Variants in STARD3 observed in about 807,000 individuals in gnomAD.
The protein encoded by STARD3 is stAR-related lipid transfer protein 3.
STARD3 carries 39 observed loss-of-function variants against 62.0 expected under a neutral mutation model. That is an observed-to-expected ratio of 0.63 (90% CI 0.49 to 0.82). The LOEUF (loss-of-function observed/expected upper bound fraction) is 0.82, where lower values mean the gene tolerates loss of function less well. Ranked by LOEUF, STARD3 falls within the 40% of genes least tolerant of loss-of-function variation. The probability of loss-of-function intolerance (pLI) is 0.00; values close to 1 mark genes in which losing one functional copy is unlikely to be tolerated. For synonymous variants in STARD3, 229 were observed against 242.4 expected (o/e 0.94, Z 0.51); for missense variants, 543 against 584.5 (o/e 0.93, Z 0.73).
At chr17:39,657,116 C>T (rs371400237) in intron 3 of STARD3, 31 bp downstream of exon 3, 36 of 1,607,360 alleles carry the variant, frequency 2.2e-5, no homozygotes, top group Non-Finnish European at 2.9e-5. Flanking sequence ...CTGGGGACCC[C>T]GGAGGCAGAG....
chr17:39,654,150 A>G (rs2057104648), intron 2 of STARD3, among the ~76,000 whole-genome samples: 1 of 146,326 alleles, frequency 6.8e-6, no homozygotes, highest in Non-Finnish European at 1.5e-5. Flanking sequence ...CAGTTGGTTC[A>G]TTCATTCGTT....
intron 1 of STARD3, among the ~76,000 whole-genome samples, chr17:39,643,773 T>G (rs888762815): frequency 1.3e-5 from 2 of 152,224 alleles, no homozygotes; most frequent in African/African-American, 2.4e-5. Context: ...GACTCTCTCT[T>G]TCTCTGGAGA....
chr17:39,657,760 C>T lies in STARD3; in HGVS notation c.298-15C>T, dbSNP rs920849504. 2 of 1,613,942 alleles carry T rather than the reference C, an allele frequency of 1.2e-6. No individual in the cohort carries two copies. Among genetic ancestry groups the T allele is most frequent in the Admixed American group, 1.7e-5 (1 of 59,998 alleles). The stretch of plus-strand genomic sequence containing the variant: ...AGTAGCTTCCTGTGACTGCCTTGCT[C>T]CCGTCCCCCACCAGGTCCTGGCCTT... On this transcript the variant is annotated splice_polypyrimidine_tract_variant and intron_variant, in intron 3 of 14. Coordinates refer to ENST00000336308, the MANE Select transcript of STARD3 (RefSeq NM_006804.4).
intron 1 of STARD3, among the ~76,000 whole-genome samples, chr17:39,646,851 C>T (rs2144929220): frequency 6.6e-6 from 1 of 152,252 alleles, no homozygotes; most frequent in African/African-American, 2.4e-5. Context: ...TCCGCTGTTC[C>T]CTGGCACCTG....
At chr17:39,639,132 T>C (rs1189851278) in intron 1 of STARD3, among the ~76,000 whole-genome samples, 1 of 152,222 alleles carries the variant, frequency 6.6e-6, no homozygotes, top group African/African-American at 2.4e-5. Context: ...TAAAAAGTTA[T>C]TACTATTATG....
At chr17:39,658,972 C>T (rs2057163541) in intron 7 of STARD3, 79 bp from the exon 8 acceptor site, 1 of 1,590,660 alleles carries the variant, frequency 6.3e-7, no homozygotes, top group Admixed American at 1.7e-5. Flanking sequence ...CATCCTTGCA[C>T]TCACATACCC....
In STARD3 at chr17:39,659,204, G is replaced by C. The variant is rs533301567; in HGVS notation, c.702+98G>C. ...CGGGGTGGGCAGGGGTTTCCCAGTA[G>C]AGGCTGAACCTCGGGCAATGCCCAT... On this transcript the variant is annotated intron_variant, in intron 8 of 14. Coordinates refer to ENST00000336308, the MANE Select transcript of STARD3 (RefSeq NM_006804.4). The C allele has an allele frequency of 1.7e-4, 256 of 1,489,462 alleles. 1 individual carries two copies. The African/African-American group carries it at 2.5e-3, about 15-fold the overall frequency. The allele number at this position is 1,489,462 out of a possible 1,614,324, so 92.3% of individuals were successfully genotyped here. A position where few individuals can be genotyped will look rare whatever the true frequency, so the allele number is the denominator to read the frequency against.
intron 1 of STARD3, among the ~76,000 whole-genome samples, chr17:39,646,022 G>A (rs1019986570): frequency 5.4e-5 from 8 of 147,380 alleles, no homozygotes; most frequent in African/African-American, 1.8e-4. Context: ...CTCCCAAGTA[G>A]TTGGGACTAC....
At chr17:39,659,201 G>A in intron 8 of STARD3, 95 bp downstream of exon 8, 1 of 1,513,094 alleles carries the variant, frequency 6.6e-7, no homozygotes, top group Non-Finnish European at 9.1e-7. Context: ...GGGTTTCCCA[G>A]TAGAGGCTGA....
At chr17:39,650,214 A>G (rs1296561644) in intron 1 of STARD3, among the ~76,000 whole-genome samples, 1 of 152,160 alleles carries the variant, frequency 6.6e-6, no homozygotes, top group Non-Finnish European at 1.5e-5. Context: ...TGGGCCCATT[A>G]TGACTGGTGT....
At chr17:39,662,221 A>C in intron 13 of STARD3, 30 bp from the exon 14 acceptor site, 4 of 1,604,432 alleles carry the variant, frequency 2.5e-6, no homozygotes, top group Non-Finnish European at 3.4e-6. Context: ...CTCTGTTCCA[A>C]AGTCCCCCCA....
chr17:39,663,632 T>TCCCCCCCCCCCCCCCCCCCCCCCCCC lies in STARD3; in HGVS notation c.*732_*733insCCCCCCCCCCCCCCCCCCCCCCCCCC, dbSNP rs144813441. On this transcript the variant is annotated 3_prime_UTR_variant, in exon 15 of 15. Coordinates refer to ENST00000336308, the MANE Select transcript of STARD3 (RefSeq NM_006804.4). Reference sequence around the variant, plus strand: ...CCAGTTCCTGAAACATGCCCCCCATTCCCCCCCCGCCCACCCCCCACTCCC... The same window carrying TCCCCCCCCCCCCCCCCCCCCCCCCCC: ...CCAGTTCCTGAAACATGCCCCCCATTCCCCCCCCCCCCCCCCCCCCCCCCCCCCCCCCCCGCCCACCCCCCACTCCC... 4 of 128,102 alleles carry TCCCCCCCCCCCCCCCCCCCCCCCCCC rather than the reference T, an allele frequency of 3.1e-5. No homozygotes were observed. Among genetic ancestry groups the TCCCCCCCCCCCCCCCCCCCCCCCCCC allele is most frequent in the Non-Finnish European group, 6.7e-5 (4 of 59,950 alleles). The allele number at this position is 128,102 out of a possible 1,614,324, so 7.9% of individuals were successfully genotyped here.
At position 39,660,208 on chromosome 17, in the gene STARD3, T is replaced by C. The variant is rs2952149; in HGVS notation, c.796-3T>C. The C allele has an allele frequency of 0.054, 87,518 of 1,613,716 alleles. 2,863 individuals carry two copies. Among genetic ancestry groups the C allele is most frequent in the African/African-American group, 0.069 (5,180 of 74,976 alleles). Reference sequence around the variant, plus strand: ...TCCCTGCCACCTTCTGTCCCTGCCATAGGAATATGGGGACACCGTGTACAC... The same window carrying C: ...TCCCTGCCACCTTCTGTCCCTGCCACAGGAATATGGGGACACCGTGTACAC... On this transcript the variant is annotated splice_region_variant and splice_polypyrimidine_tract_variant and intron_variant, in intron 9 of 14. Coordinates refer to ENST00000336308, the MANE Select transcript of STARD3 (RefSeq NM_006804.4). This position sits in a 1 kb window ranked among gnomAD's most constrained non-coding sequence, Gnocchi z 4.8.
chr17:39,663,264 C>T lies in STARD3; in HGVS notation c.*356C>T, dbSNP rs968656082. On this transcript the variant is annotated 3_prime_UTR_variant, in exon 15 of 15. Transcript: ENST00000336308. ...GGGCAGGGCAGGGCAGCCTGTCACC[C>T]GTGTGAAGATGAAGGGGCTCTTCAT... is the stretch of plus-strand genomic sequence containing the variant. The T allele has an allele frequency of 1.8e-5, 7 of 397,814 alleles. No individual in the cohort carries two copies. Among genetic ancestry groups the T allele is most frequent in the Non-Finnish European group, 3.1e-5 (7 of 226,208 alleles). The allele number at this position is 397,814 out of a possible 1,614,324, so 24.6% of individuals were successfully genotyped here.
In STARD3 at chr17:39,663,666, T is replaced by C. The variant is rs1378250728; in HGVS notation, c.*758T>C. On this transcript the variant is annotated 3_prime_UTR_variant, in exon 15 of 15. Transcript: ENST00000336308. Reference sequence around the variant, plus strand: ...GCCCACCCCCCACTCCCCGCTTTCCTGACCAGTTCAACTGAGCAGATGACT... The same window carrying C: ...GCCCACCCCCCACTCCCCGCTTTCCCGACCAGTTCAACTGAGCAGATGACT... Among the ~76,000 whole-genome samples the C allele has an allele frequency of 1.0e-5, 1 of 100,354 alleles. No individual in the cohort carries two copies. Among genetic ancestry groups the C allele is most frequent in the East Asian group, 3.4e-4 (1 of 2,908 alleles). The allele number at this position is 100,354 out of a possible 152,430, so 65.8% of individuals were successfully genotyped here. A position where few individuals can be genotyped will look rare whatever the true frequency, so the allele number is the denominator to read the frequency against.
At position 39,657,024 on chromosome 17, in the gene STARD3, G is replaced by A. The variant is rs758745055; in HGVS notation, c.236G>A (p.Arg79His). The A allele has an allele frequency of 7.4e-6, 12 of 1,613,972 alleles. No homozygotes were observed. Among genetic ancestry groups the A allele is most frequent in the Admixed American group, 1.7e-5 (1 of 59,996 alleles). ...CTCTCACAGACCAACACAGGCATCC[G>A]TAAGAACTTGGAGCAGGAGATCATC... ...IIELNTNTGI[R>H]KNLEQEIIQY... is the part of the protein sequence containing the mutation. The change falls in exon 3 of 15, where the codon CGT becomes CAT. Residue 79 changes from arginine (R) to histidine (H), a missense_variant. Physicochemically the swap from Arg to His is conservative, Grantham distance 29. Coordinates refer to ENST00000336308, the MANE Select transcript of STARD3 (RefSeq NM_006804.4).
intron 1 of STARD3, among the ~76,000 whole-genome samples, chr17:39,646,375 C>G (rs556717982): frequency 6.6e-6 from 1 of 152,300 alleles, no homozygotes; most frequent in South Asian, 2.1e-4. Context: ...TCCTCAGGCT[C>G]CTGAGTAGCT....
At position 39,660,561 on chromosome 17, in the gene STARD3, T is replaced by G; in HGVS notation, c.954+35T>G. On this transcript the variant is annotated intron_variant, in intron 11 of 14. Transcript: ENST00000336308. This position sits in a 1 kb window ranked among gnomAD's most constrained non-coding sequence, Gnocchi z 4.8. The stretch of plus-strand genomic sequence containing the variant: ...GTCTGGCTGCCTCTTAAGGCACAGA[T>G]GGGGGCACAGCCACGCCTCAGTGGG... 2 of 1,607,532 alleles carry G rather than the reference T, an allele frequency of 1.2e-6. No homozygotes were observed. Among genetic ancestry groups the G allele is most frequent in the African/African-American group, 2.7e-5 (2 of 74,878 alleles).
chr17:39,638,115 C>G (rs1028180158), intron 1 of STARD3, among the ~76,000 whole-genome samples: 6 of 152,320 alleles, frequency 3.9e-5, no homozygotes, highest in African/African-American at 1.4e-4. Flanking sequence ...ACTTTCTCCT[C>G]TCTTTCAAGT....
Sources: gnomAD v4.1 joint callset for allele counts (sites outside exome capture counted in the v4.1 genomes callset) on GRCh38, gnomAD v4.1.1 for gene constraint, Gnocchi (gnomAD v3.1) non-coding constraint, MANE v1.5 for transcripts, NCBI Gene and HGNC (gene_info 2026-07-23, HGNC 2026-07-21) for gene names.